Variants in PRPF38A observed in about 807,000 individuals in gnomAD.
PRPF38A encodes the protein pre-mRNA processing factor 38A.
Under a neutral mutation model 46.8 loss-of-function variants are expected in PRPF38A, and 11 were observed. The observed-to-expected ratio is 0.24, with a 90% CI of 0.15 to 0.39. The LOEUF (loss-of-function observed/expected upper bound fraction) is 0.39. Among genes scored for constraint, PRPF38A ranks in the 10% least tolerant of loss-of-function variants. PRPF38A has a pLI of 1.00. For missense variants in PRPF38A, 261 were observed against 407.5 expected, an observed-to-expected ratio of 0.64 and a Z score of 3.10; for synonymous variants, 124 against 136.2, an observed-to-expected ratio of 0.91 and a Z score of 0.62.
At chr1:52,407,077 G>A (rs563425206) in intron 2 of PRPF38A, among the ~76,000 whole-genome samples, 3 of 152,188 alleles carry the variant, frequency 2.0e-5, no homozygotes, top group Non-Finnish European at 4.4e-5. Context: ...GAGTGCAGTG[G>A]CGCAGTCTCG....
Position 52,417,535 on chromosome 1 carries a change from T to G in PRPF38A, c.*845T>G, listed in dbSNP as rs955301094. ...AAATACAGCAGGAAGAGACAGCTTT[T>G]AGAGGGGCAGAGAATTAGAGGATGG... On this transcript the variant is annotated 3_prime_UTR_variant, in exon 10 of 10. Transcript: ENST00000257181. 1 of 152,200 alleles carries G rather than the reference T, an allele frequency of 6.6e-6. No homozygotes were observed. Among genetic ancestry groups the G allele is most frequent in the Non-Finnish European group, 1.5e-5 (1 of 68,030 alleles). 9.4% of individuals were successfully genotyped at this position (152,200 alleles called of 1,614,324 possible).
rs1167943901 is a variant in PRPF38A at position 52,404,707 on chromosome 1, G to T, written c.-43G>T. The T allele has an allele frequency of 6.2e-7, 1 of 1,600,990 alleles. No individual in the cohort carries two copies. The highest frequency in any genetic ancestry group is 8.5e-7 in the Non-Finnish European group (1 of 1,173,420). ...TGCTTTTTCTGAACCTGGATGTGAGGCATTAAAGGATCCGACGGAAATAGA... is the reference window on the plus strand; with the variant it reads ...TGCTTTTTCTGAACCTGGATGTGAGTCATTAAAGGATCCGACGGAAATAGA... On this transcript the variant is annotated 5_prime_UTR_variant, in exon 1 of 10. Coordinates refer to ENST00000257181, the MANE Select transcript of PRPF38A (RefSeq NM_032864.4).
At chr1:52,415,434 C>G (rs1192553035) in intron 9 of PRPF38A, 48 bp downstream of exon 9, 2 of 1,508,234 alleles carry the variant, frequency 1.3e-6, no homozygotes, top group African/African-American at 1.4e-5. Flanking sequence ...GTCCAAATTA[C>G]AACTAACTGG....
At position 52,414,745 on chromosome 1, in the gene PRPF38A, A is replaced by C; in HGVS notation, c.750-17A>C. The C allele has an allele frequency of 6.2e-7, 1 of 1,614,024 alleles. No homozygotes were observed. The highest frequency in any genetic ancestry group is 8.5e-7 in the Non-Finnish European group (1 of 1,179,960). On this transcript the variant is annotated splice_polypyrimidine_tract_variant and intron_variant, in intron 7 of 9. Coordinates refer to ENST00000257181, the MANE Select transcript of PRPF38A (RefSeq NM_032864.4). ...ATTGCTAACCAGATCTGGTAGTCTG[A>C]CCAGTCTTTTCTACAGCCCCTCCCC...
rs1040744169 is a variant in PRPF38A at position 52,411,668 on chromosome 1, TG to T, written c.498+471del. On this transcript the variant is annotated intron_variant, in intron 4 of 9. Transcript: ENST00000257181. ...AAACAGATAAAAATAGGGCCAGGAG[TG>T]GGAGACTGAGCCATTAATTCCTTAA... is the stretch of plus-strand genomic sequence containing the variant. 4.6e-4 allele frequency among the ~76,000 whole-genome samples: 70 copies of T among 151,748 alleles called. 1 individual carries two copies. Among genetic ancestry groups the T allele is most frequent in the African/African-American group, 1.6e-3 (65 of 41,364 alleles).
chr1:52,415,527 T>C, intron 9 of PRPF38A, 141 bp downstream of exon 9: 1 of 651,640 alleles, frequency 1.5e-6, no homozygotes, highest in Non-Finnish European at 2.7e-6. Flanking sequence ...CTTTGAGAAT[T>C]ACTGGGGTTA....
intron 4 of PRPF38A, among the ~76,000 whole-genome samples, chr1:52,412,035 CAAAT>C (rs1648162897): frequency 6.6e-6 from 1 of 152,166 alleles, no homozygotes; most frequent in South Asian, 2.1e-4. Flanking sequence ...CTTAGCCACT[CAAAT>C]AAACATTGCT....
intron 9 of PRPF38A, 138 bp downstream of exon 9, chr1:52,415,524 AATT>A: frequency 1.5e-6 from 1 of 664,658 alleles, no homozygotes; most frequent in South Asian, 1.8e-5. Flanking sequence ...TTGCTTTGAG[AATT>A]ACTGGGGTTA....
chr1:52,405,772 T>C lies in PRPF38A; in HGVS notation c.223T>C (p.Leu75=). The change falls in exon 2 of 10, where the codon TTG becomes CTG. Residue 75 remains leucine (L), a synonymous_variant. Transcript: ENST00000257181. ...IKPTPFLCLT[L]KMLQIQPEKD... is the part of the protein sequence containing the mutation. ...ACCAACACCCTTTCTGTGTTTAACC[T>C]TGAAGATGCTTCAAATTCAACCCGA... The C allele has an allele frequency of 1.9e-6, 3 of 1,614,162 alleles. No individual in the cohort carries two copies. Among genetic ancestry groups the C allele is most frequent in the Non-Finnish European group, 2.5e-6 (3 of 1,179,994 alleles).
intron 2 of PRPF38A, among the ~76,000 whole-genome samples, chr1:52,408,030 TGGGCAAC>T (rs1460002622): frequency 6.6e-6 from 1 of 152,226 alleles, no homozygotes; most frequent in Non-Finnish European, 1.5e-5. Flanking sequence ...CACTCCAGCC[TGGGCAAC>T]AGAGCAAGAT....
At chr1:52,411,363 A>G (rs969722443) in intron 4 of PRPF38A, among the ~76,000 whole-genome samples, 163 bp downstream of exon 4, 45 of 152,214 alleles carry the variant, frequency 3.0e-4, no homozygotes, top group African/African-American at 9.4e-4. Flanking sequence ...ATTGGGAGTG[A>G]GAGGAAAATA....
In PRPF38A at chr1:52,404,640, C is replaced by G. The variant is rs1263571311; in HGVS notation, c.-110C>G. 1 of 1,245,546 alleles carries G rather than the reference C, an allele frequency of 8.0e-7. No individual in the cohort carries two copies. Among genetic ancestry groups the G allele is most frequent in the African/African-American group, 1.5e-5 (1 of 66,572 alleles). The allele number at this position is 1,245,546 out of a possible 1,614,324, so 77.2% of individuals were successfully genotyped here. On this transcript the variant is annotated 5_prime_UTR_variant, in exon 1 of 10. Coordinates refer to ENST00000257181, the MANE Select transcript of PRPF38A (RefSeq NM_032864.4). ...TCCGGCTTCAAGATGGTCGCCTAAGCTGTTTAGTGAAACTTCTTCCACCTT... is the reference window on the plus strand; with the variant it reads ...TCCGGCTTCAAGATGGTCGCCTAAGGTGTTTAGTGAAACTTCTTCCACCTT...
intron 5 of PRPF38A, among the ~76,000 whole-genome samples, chr1:52,413,313 G>A (rs1456244562): frequency 6.6e-6 from 1 of 152,192 alleles, no homozygotes; most frequent in Admixed American, 6.5e-5. Flanking sequence ...TGTTTAGGAG[G>A]GGGAAAATGT....
rs969357227 is a variant in PRPF38A at position 52,410,280 on chromosome 1, C to T, written c.413-835C>T. ...TTGCACCACTGCACTCCAGCCTGGG[C>T]AAAAGTGAGACTCCGTCTCAAAAAA... On this transcript the variant is annotated intron_variant, in intron 3 of 9. Transcript: ENST00000257181. 3.4e-5 allele frequency among the ~76,000 whole-genome samples: 5 copies of T among 148,340 alleles called. No homozygotes were observed. In the East Asian group the frequency reaches 9.9e-4, roughly 29 times the overall value.
Position 52,416,940 on chromosome 1 carries a change from TG to T in PRPF38A, c.*254del, listed in dbSNP as rs769794319. ...ATGAGAGTATAAAGGATCTGGAGGTTGGGGATATGACTGACAAGGAAAGGCT... is the reference window on the plus strand; with the variant it reads ...ATGAGAGTATAAAGGATCTGGAGGTTGGGATATGACTGACAAGGAAAGGCT... On this transcript the variant is annotated 3_prime_UTR_variant, in exon 10 of 10. Coordinates refer to ENST00000257181, the MANE Select transcript of PRPF38A (RefSeq NM_032864.4). 181 of 465,262 alleles carry T rather than the reference TG, an allele frequency of 3.9e-4. No homozygotes were observed. The highest frequency in any genetic ancestry group is 1.2e-3 in the Middle Eastern group (2 of 1,652). 28.8% of individuals were successfully genotyped at this position (465,262 alleles called of 1,614,324 possible). A position where few individuals can be genotyped will look rare whatever the true frequency, so the allele number is the denominator to read the frequency against.
intron 9 of PRPF38A, 53 bp downstream of exon 9, chr1:52,415,439 A>G (rs1569983010): frequency 6.8e-7 from 1 of 1,478,560 alleles, no homozygotes; most frequent in East Asian, 2.3e-5. Flanking sequence ...AATTACAACT[A>G]ACTGGACCTG....
At chr1:52,408,477 C>A (rs764767693) in intron 2 of PRPF38A, 92 bp from the exon 3 acceptor site, 1 of 1,542,194 alleles carries the variant, frequency 6.5e-7, no homozygotes, top group East Asian at 2.3e-5. Flanking sequence ...AAGAGAAGAA[C>A]ATGTTTATCC....
At position 52,419,503 on chromosome 1, in the gene PRPF38A, A is replaced by ACGAT. The variant is rs1422188715; in HGVS notation, c.*2815_*2818dup. 8 of 152,148 alleles carry ACGAT rather than the reference A, an allele frequency of 5.3e-5. No individual in the cohort carries two copies. The highest frequency in any genetic ancestry group is 1.9e-4 in the African/African-American group (8 of 41,436). 9.4% of individuals were successfully genotyped at this position (152,148 alleles called of 1,614,324 possible). ...TTAAATAAGCATTATTTAGAAAAGA[A>ACGAT]CGATCACAGATTGCCCACTCCCTCA... On this transcript the variant is annotated 3_prime_UTR_variant, in exon 10 of 10. Coordinates refer to ENST00000257181, the MANE Select transcript of PRPF38A (RefSeq NM_032864.4).
rs1648369713 is a variant in PRPF38A, at chr1:52,419,062, T to G, written c.*2372T>G. On this transcript the variant is annotated 3_prime_UTR_variant, in exon 10 of 10. Transcript: ENST00000257181. ...GATGTGTTCCAAGGGGCAAAAGAAATAATGCATTTTTGGCCAGGTGCGGTG... is the reference window on the plus strand; with the variant it reads ...GATGTGTTCCAAGGGGCAAAAGAAAGAATGCATTTTTGGCCAGGTGCGGTG... 6.6e-6 allele frequency: 1 copy of G among 152,172 alleles called. No homozygotes were observed. The highest frequency in any genetic ancestry group is 1.5e-5 in the Non-Finnish European group (1 of 68,036). 9.4% of individuals were successfully genotyped at this position (152,172 alleles called of 1,614,324 possible).
Sources: gnomAD v4.1 joint callset for allele counts (sites outside exome capture counted in the v4.1 genomes callset) on GRCh38, gnomAD v4.1.1 for gene constraint, MANE v1.5 for transcripts, NCBI Gene and HGNC (gene_info 2026-07-23, HGNC 2026-07-21) for gene names.